GABBR2: variants seen among roughly 807,000 people sequenced by gnomAD.
GABBR2 encodes G-protein coupled receptor 51.
GABBR2 carries 23 observed loss-of-function variants against 105.6 expected under a neutral mutation model. The ratio of observed to expected loss-of-function variants is 0.22; its 90% CI spans 0.16 to 0.31. The LOEUF is 0.31. Ranked by LOEUF, GABBR2 falls within the 10% of genes least tolerant of loss-of-function variation. GABBR2 has a pLI of 1.00. For missense variants in GABBR2, 734 were observed against 1,245.5 expected (o/e 0.59, Z 6.18); for synonymous variants, 478 against 499.7 (o/e 0.96, Z 0.58).
chr9:98,424,235 T>C (rs1211104172), intron 7 of GABBR2, among the ~76,000 whole-genome samples: 2 of 152,090 alleles, frequency 1.3e-5, no homozygotes, highest in Non-Finnish European at 2.9e-5. Flanking sequence ...AAAAACCACA[T>C]GATTATCTCA....
chr9:98,701,422 G>C (rs1453577486), intron 1 of GABBR2, among the ~76,000 whole-genome samples: 1 of 152,172 alleles, frequency 6.6e-6, no homozygotes, highest in Admixed American at 6.5e-5. Flanking sequence ...GTAGGCACAT[G>C]CAGAGGGCAG....
At position 98,488,169 on chromosome 9, in the gene GABBR2, T is replaced by C. The variant is rs141078424; in HGVS notation, c.733-7172A>G. On this transcript the variant is annotated intron_variant, in intron 4 of 18. Transcript: ENST00000259455. ...CTTGATGTTGGCCTGTCAAGATCCA[T>C]GTAGGACATCTGGCTTCCAGACAGT... 2.2e-4 allele frequency among the ~76,000 whole-genome samples: 33 copies of C among 152,320 alleles called. No homozygotes were observed. The East Asian group carries it at 6.4e-3, about 29-fold the overall frequency.
At chr9:98,449,102 G>A (rs999970560) in intron 7 of GABBR2, among the ~76,000 whole-genome samples, 5 of 152,212 alleles carry the variant, frequency 3.3e-5, no homozygotes, top group African/African-American at 1.2e-4. Flanking sequence ...CGTGTTGAGC[G>A]TTGGGAAGAG....
intron 1 of GABBR2, among the ~76,000 whole-genome samples, chr9:98,643,316 C>T (rs1829992473): frequency 6.6e-6 from 1 of 152,004 alleles, no homozygotes; most frequent in Admixed American, 6.6e-5. Flanking sequence ...GGTGGCTACA[C>T]AGGTTCTAGA....
chr9:98,328,638 T>C (rs1830966794), intron 13 of GABBR2, among the ~76,000 whole-genome samples: 1 of 152,130 alleles, frequency 6.6e-6, no homozygotes, highest in African/African-American at 2.4e-5. Context: ...GAATGAGCAG[T>C]GTAGCAGGGA....
chr9:98,577,535 A>G (rs1444357080), intron 2 of GABBR2, among the ~76,000 whole-genome samples: 1 of 152,218 alleles, frequency 6.6e-6, no homozygotes, highest in Non-Finnish European at 1.5e-5. Flanking sequence ...GGGAACGGTG[A>G]GAGCAGGGCT....
chr9:98,294,217 T>C (rs2131336768), intron 17 of GABBR2, among the ~76,000 whole-genome samples: 1 of 152,292 alleles, frequency 6.6e-6, no homozygotes, highest in South Asian at 2.1e-4. Flanking sequence ...AACAAGAGGT[T>C]CTAACATTCT....
intron 1 of GABBR2, among the ~76,000 whole-genome samples, chr9:98,675,202 G>A (rs1163782147): frequency 6.6e-6 from 1 of 152,186 alleles, no homozygotes; most frequent in Non-Finnish European, 1.5e-5. Flanking sequence ...TGGGAACCAA[G>A]TGGTGACTTC....
intron 1 of GABBR2, among the ~76,000 whole-genome samples, chr9:98,702,317 C>A (rs540225421): frequency 1.5e-4 from 23 of 152,148 alleles, no homozygotes; most frequent in Non-Finnish European, 2.6e-4. Flanking sequence ...TGTTGCCCCT[C>A]CTGCCCTGTC....
Position 98,484,784 on chromosome 9 carries a change from T to C in GABBR2, c.733-3787A>G, listed in dbSNP as rs1018170299. On this transcript the variant is annotated intron_variant, in intron 4 of 18. Coordinates refer to ENST00000259455, the MANE Select transcript of GABBR2 (RefSeq NM_005458.8). ...GGATTTGGGGAATCTTAATAGTTTTTCCACACATGTGCATGCTCTCATGAA... is the reference window on the plus strand; with the variant it reads ...GGATTTGGGGAATCTTAATAGTTTTCCCACACATGTGCATGCTCTCATGAA... Among the ~76,000 whole-genome samples the C allele has an allele frequency of 5.9e-5, 9 of 152,346 alleles. No individual in the cohort carries two copies. In the East Asian group the frequency reaches 1.2e-3, roughly 20 times the overall value.
chr9:98,590,518 C>T (rs1829132066), intron 1 of GABBR2, among the ~76,000 whole-genome samples: 1 of 152,232 alleles, frequency 6.6e-6, no homozygotes, highest in Non-Finnish European at 1.5e-5. Flanking sequence ...GTAAGCCTCC[C>T]CACATATGCA....
rs1482999935 is a variant in GABBR2 at position 98,514,338 on chromosome 9, G to A, written c.631-17824C>T. Among the ~76,000 whole-genome samples the A allele has an allele frequency of 2.3e-5, 3 of 129,628 alleles. 1 individual carries two copies. In the Admixed American group the frequency reaches 2.3e-4, roughly 10 times the overall value. The allele number at this position is 129,628 out of a possible 152,430, so 85.0% of individuals were successfully genotyped here. ...GTTAGTGGGTGCAGCACACCAGCAC[G>A]GCACATGTATACATATGTAACTAAC... is the stretch of plus-strand genomic sequence containing the variant. On this transcript the variant is annotated intron_variant, in intron 3 of 18. Transcript: ENST00000259455.
intron 3 of GABBR2, among the ~76,000 whole-genome samples, chr9:98,529,487 G>C (rs1252277259): frequency 6.6e-6 from 1 of 152,168 alleles, no homozygotes; most frequent in Admixed American, 6.6e-5. Flanking sequence ...TTGAAAAAAT[G>C]GTAAAGACAT....
At position 98,362,760 on chromosome 9, in the gene GABBR2, C is replaced by G; in HGVS notation, c.1848G>C (p.Gln616His). 6.2e-7 allele frequency: 1 copy of G among 1,605,662 alleles called. No individual in the cohort carries two copies. The highest frequency in any genetic ancestry group is 1.7e-4 in the Middle Eastern group (1 of 6,030). The change falls in exon 13 of 19, where the codon CAG (glutamine) becomes CAC (histidine). Residue 616 changes from glutamine (Q) to histidine (H), a missense_variant. Physicochemically the swap from Gln to His is conservative, Grantham distance 24. Around this residue, in one of 7 missense-constraint regions of GABBR2, gnomAD observed 52 missense variants for 81.3 expected, o/e 0.64. Coordinates refer to ENST00000259455, the MANE Select transcript of GABBR2 (RefSeq NM_005458.8). ...CTGTCCTTCGCAGGGGGTCCACAGC[C>G]TGCCAGCAGATCAGGATACACAGGT... ...LIDLCILICW[Q>H]AVDPLRRTVE...
intron 4 of GABBR2, among the ~76,000 whole-genome samples, chr9:98,490,407 G>T (rs997890982): frequency 2.6e-5 from 4 of 152,202 alleles, no homozygotes; most frequent in African/African-American, 9.6e-5. Context: ...GGACTTTTGG[G>T]GTATCTGATA....
intron 4 of GABBR2, among the ~76,000 whole-genome samples, chr9:98,482,026 C>T (rs908346723): frequency 1.3e-5 from 2 of 152,158 alleles, no homozygotes; most frequent in African/African-American, 4.8e-5. Flanking sequence ...GGTGGGGCGG[C>T]CACCAGGAGA....
intron 1 of GABBR2, among the ~76,000 whole-genome samples, chr9:98,691,065 T>A (rs1830676415): frequency 6.6e-6 from 1 of 152,172 alleles, no homozygotes; most frequent in Admixed American, 6.5e-5. Context: ...CAGACTCAAC[T>A]TAGAGTAAGC....
At chr9:98,526,526 C>T (rs1191449323) in intron 3 of GABBR2, among the ~76,000 whole-genome samples, 1 of 152,194 alleles carries the variant, frequency 6.6e-6, no homozygotes, top group East Asian at 1.9e-4. Context: ...TTCCTACTCC[C>T]TTAACTCTAC....
At chr9:98,510,314 A>T (rs1173914564) in intron 3 of GABBR2, among the ~76,000 whole-genome samples, 1 of 152,222 alleles carries the variant, frequency 6.6e-6, no homozygotes, top group Non-Finnish European at 1.5e-5. Context: ...CACTGCAAAA[A>T]CATGCCAAAT....
Sources: allele counts gnomAD v4.1 joint callset (sites outside exome capture counted in the v4.1 genomes callset), GRCh38; gene constraint gnomAD v4.1.1; regional missense constraint gnomAD v4.1.1; transcripts MANE v1.5; gene names NCBI Gene and HGNC (gene_info 2026-07-23, HGNC 2026-07-21).